Variants in TRIM65 observed in about 807,000 individuals in gnomAD.
TRIM65 encodes the protein E3 ubiquitin-protein ligase TRIM65.
A neutral mutation model predicts 36.1 loss-of-function variants in TRIM65; 46 were observed. The observed-to-expected ratio is 1.27, with a 90% CI of 1.01 to 1.63. The LOEUF is 1.63. Ranked by LOEUF, TRIM65 falls within the 40% of genes most tolerant of loss-of-function variation. TRIM65 has a pLI of 0.00. For missense variants in TRIM65, 708 were observed against 696.6 expected, an observed-to-expected ratio of 1.02 and a Z score of -0.18; for synonymous variants, 346 against 313.6, an observed-to-expected ratio of 1.10 and a Z score of -1.09.
rs374534100 is a variant in TRIM65 at position 75,892,269 on chromosome 17, G to A, written c.742C>T (p.Gln248Ter). 3.1e-6 allele frequency: 5 copies of A among 1,610,692 alleles called. No homozygotes were observed. Among genetic ancestry groups the A allele is most frequent in the African/African-American group, 2.7e-5 (2 of 74,986 alleles). Residue 248 changes from glutamine to a stop codon, truncating the protein, a stop_gained and splice_region_variant, in exon 3 of 6, where the codon CAG (glutamine) becomes TAG (stop). Transcript: ENST00000269383. LOFTEE classifies it high-confidence loss of function. ...LEQVDEQTFLQESQLLQPPGP... is the reference protein window; with the variant it reads ...LEQVDEQTFL ...ACCTATGCCCTGAGCCCTCGCACCTGCAGGAAGGTCTGCTCATCCACCTGC... is the reference window on the plus strand; with the variant it reads ...ACCTATGCCCTGAGCCCTCGCACCTACAGGAAGGTCTGCTCATCCACCTGC...
rs58142876 is a variant in TRIM65 at position 75,883,526 on chromosome 17, G to GTTT, written c.350-2900_350-2898dup. 2.4e-3 allele frequency among the ~76,000 whole-genome samples: 287 copies of GTTT among 118,326 alleles called. 12 individuals carry two copies. Among genetic ancestry groups the GTTT allele is most frequent in the Middle Eastern group, 0.012 (2 of 172 alleles). The allele number at this position is 118,326 out of a possible 152,430, so 77.6% of individuals were successfully genotyped here. A position where few individuals can be genotyped will look rare whatever the true frequency, so the allele number is the denominator to read the frequency against. ...TTTTTTTCTCACTGTCTCTGAACAAGTTTTTTTTTTTTTTTTTTTGAGACG... is the reference window on the plus strand; with the variant it reads ...TTTTTTTCTCACTGTCTCTGAACAAGTTTTTTTTTTTTTTTTTTTTTTGAGACG... On this transcript the variant is annotated intron_variant, in intron 4 of 4. Transcript: ENST00000591668.
In TRIM65 at chr17:75,890,917, C is replaced by T; in HGVS notation, c.1416G>A (p.Gln472=). 2.6e-6 allele frequency: 4 copies of T among 1,550,366 alleles called. No homozygotes were observed. The highest frequency in any genetic ancestry group is 2.4e-5 in the East Asian group (1 of 41,198). ...LTFYSLEPQT[Q]PLYTFHALFN... ...AGAGGGCATGGAAGGTGTACAGGGG[C>T]TGGGTCTGGGGCTCCAGGCTGTAGA... is the stretch of plus-strand genomic sequence containing the variant. Residue 472 remains glutamine (Q), a synonymous_variant, in exon 6 of 6, where the codon CAG becomes CAA. Transcript: ENST00000269383.
At chr17:75,895,005 C>T (rs1242741655) in intron 1 of TRIM65, among the ~76,000 whole-genome samples, 3 of 152,216 alleles carry the variant, frequency 2.0e-5, no homozygotes, top group Non-Finnish European at 4.4e-5. Flanking sequence ...GGCCAGGGTC[C>T]CAGGTGCCAC....
Position 75,896,851 on chromosome 17 carries a change from G to A in TRIM65, c.87C>T (p.His29=). ...YQDPVTLPCG[H]NFCGACIRDW... The stretch of plus-strand genomic sequence containing the variant: ...CCCGGATGCAGGCCCCGCAGAAGTT[G>A]TGGCCGCAGGGCAGCGTCACTGGGT... Residue 29 remains histidine (H), a synonymous_variant, in exon 1 of 6, where the codon CAC becomes CAT. Transcript: ENST00000269383. 1.0e-5 allele frequency: 16 copies of A among 1,530,618 alleles called. No individual in the cohort carries two copies. The highest frequency in any genetic ancestry group is 1.4e-5 in the Non-Finnish European group (16 of 1,141,658). 94.8% of individuals were successfully genotyped at this position (1,530,618 alleles called of 1,614,324 possible). A position where few individuals can be genotyped will look rare whatever the true frequency, so the allele number is the denominator to read the frequency against.
Position 75,892,010 on chromosome 17 carries a change from C to T in TRIM65, c.919+1G>A. 6.4e-7 allele frequency: 1 copy of T among 1,552,274 alleles called. No individual in the cohort carries two copies. Among genetic ancestry groups the T allele is most frequent in the East Asian group, 2.4e-5 (1 of 40,996 alleles). On this transcript the variant is annotated splice_donor_variant, in intron 4 of 5. Transcript: ENST00000269383. LOFTEE classifies it high-confidence loss of function. ...AGGGGGAGGCCTGGGGTCAGTCTTA[C>T]CCACGGGGGCTAAGTCCACAGGCTT...
In TRIM65 at chr17:75,892,485, AG is replaced by A; in HGVS notation, c.525del (p.Leu176TrpfsTer24). On this transcript the variant is annotated frameshift_variant, in exon 3 of 6. Transcript: ENST00000269383. LOFTEE classifies it high-confidence loss of function. ...QSSQIQNSAC[I>X]LASWVSGKFS... ...AACTTGCCGGAGACCCAGGAGGCCAAGATGCAGGCCGAGTTCTGGGCGGGAA... is the reference window on the plus strand; with the variant it reads ...AACTTGCCGGAGACCCAGGAGGCCAAATGCAGGCCGAGTTCTGGGCGGGAA... 1 of 1,613,936 alleles carries A rather than the reference AG, an allele frequency of 6.2e-7. No homozygotes were observed. Among genetic ancestry groups the A allele is most frequent in the Non-Finnish European group, 8.5e-7 (1 of 1,179,900 alleles).
At chr17:75,892,599 G>T in intron 2 of TRIM65, 99 bp from the exon 3 acceptor site, 1 of 1,285,248 alleles carries the variant, frequency 7.8e-7, no homozygotes, top group Non-Finnish European at 1.1e-6. Flanking sequence ...GGTCAGGGAT[G>T]TGGGGAGGCA....
chr17:75,895,685 G>A (rs748433311), intron 1 of TRIM65, among the ~76,000 whole-genome samples: 1 of 152,152 alleles, frequency 6.6e-6, no homozygotes, highest in South Asian at 2.1e-4. Flanking sequence ...CGTTTAGCAG[G>A]GTCACCCCAA....
chr17:75,885,089 A>AGG (rs1290017064), downstream of TRIM65, among the ~76,000 whole-genome samples: 4 of 151,834 alleles, frequency 2.6e-5, no homozygotes, highest in Non-Finnish European at 4.4e-5. Flanking sequence ...CACCACACCC[A>AGG]GCTAATTTTT....
At chr17:75,884,642 A>G (rs535402272), downstream of TRIM65, among the ~76,000 whole-genome samples, 2 of 152,190 alleles carry the variant, frequency 1.3e-5, no homozygotes, top group African/African-American at 2.4e-5. Flanking sequence ...TTTTTGAGAC[A>G]GGGTCTCACT....
At chr17:75,886,873 G>A (rs559669143), downstream of TRIM65, among the ~76,000 whole-genome samples, 4 of 152,142 alleles carry the variant, frequency 2.6e-5, no homozygotes, top group East Asian at 1.9e-4. Context: ...ACCAGCGTGC[G>A]TTTTCCTGGA....
Position 75,891,777 on chromosome 17 carries a change from C to A in TRIM65, c.985+36G>T, listed in dbSNP as rs768003888. Reference sequence around the variant, plus strand: ...ACACAGGCACTTCCTTGCACACGCACACACAGGGGCACACATACACGAACG... The same window carrying A: ...ACACAGGCACTTCCTTGCACACGCAAACACAGGGGCACACATACACGAACG... On this transcript the variant is annotated intron_variant, in intron 5 of 5. Coordinates refer to ENST00000269383, the MANE Select transcript of TRIM65 (RefSeq NM_173547.4). 3 of 1,590,370 alleles carry A rather than the reference C, an allele frequency of 1.9e-6. No homozygotes were observed. In the Admixed American group the frequency reaches 5.3e-5, roughly 28 times the overall value.
intron 1 of TRIM65, among the ~76,000 whole-genome samples, chr17:75,894,878 C>G (rs956953845): frequency 1.3e-5 from 2 of 152,208 alleles, no homozygotes; most frequent in African/African-American, 4.8e-5. Flanking sequence ...GGCGGCAGCA[C>G]CCACTTGAGG....
Position 75,892,752 on chromosome 17 carries a change from T to A in TRIM65, c.510+3A>T, listed in dbSNP as rs745644245. On this transcript the variant is annotated splice_donor_region_variant and intron_variant, in intron 2 of 5. Transcript: ENST00000269383. ...GGTGGGCGGGCAGGCACAGGCCTCG[T>A]ACCTGGATCTGGCTGCTTTGCTTGC... 9 of 1,602,786 alleles carry A rather than the reference T, an allele frequency of 5.6e-6. No homozygotes were observed. Among genetic ancestry groups the A allele is most frequent in the Non-Finnish European group, 7.6e-6 (9 of 1,179,720 alleles).
chr17:75,892,988 G>A (rs1041567739), intron 1 of TRIM65, 138 bp from the exon 2 acceptor site: 12 of 719,204 alleles, frequency 1.7e-5, no homozygotes, highest in African/African-American at 7.1e-5. Flanking sequence ...CCAGAGCACC[G>A]GCCTCGGTCT....
At chr17:75,891,444 C>T (rs770351894) in intron 5 of TRIM65, 97 bp from the exon 6 acceptor site, 51 of 1,288,378 alleles carry the variant, frequency 4.0e-5, no homozygotes, top group Non-Finnish European at 5.0e-5. Context: ...ACGCTGAGCA[C>T]CGGCCGTCAC....
chr17:75,881,235 CAAAAAAAAAAAAAAA>C (rs58718762), intron 4 of TRIM65, among the ~76,000 whole-genome samples: 52,034 of 110,778 alleles, frequency 0.47, 11,543 homozygotes, highest in African/African-American at 0.65. Flanking sequence ...GACTCCATCT[CAAAAAAAAAAAAAAA>C]AAAAAAAGAA....
At chr17:75,888,200 A>AATAT (rs2065224511), downstream of TRIM65, among the ~76,000 whole-genome samples, 1 of 144,910 alleles carries the variant, frequency 6.9e-6, no homozygotes, top group African/African-American at 2.6e-5. Context: ...TAAATAAATA[A>AATAT]ATATTAGTCG....
chr17:75,887,422 T>G (rs1026511975), downstream of TRIM65, among the ~76,000 whole-genome samples: 10 of 151,706 alleles, frequency 6.6e-5, no homozygotes, highest in African/African-American at 2.2e-4. Context: ...AGGCAGGGGT[T>G]GCACTGAGCT....
Sources: gnomAD v4.1 joint callset for allele counts (sites outside exome capture counted in the v4.1 genomes callset) on GRCh38, gnomAD v4.1.1 for gene constraint, MANE v1.5 for transcripts, NCBI Gene and HGNC (gene_info 2026-07-23, HGNC 2026-07-21) for gene names.